AGBL4: variants seen among roughly 807,000 people sequenced by gnomAD.
The protein encoded by AGBL4 is AGBL carboxypeptidase 4, also known as cytosolic carboxypeptidase 6.
In AGBL4, 58 loss-of-function variants were observed where a neutral mutation model predicts 66.4. The observed-to-expected ratio is 0.87, with a 90% CI of 0.71 to 1.09. The LOEUF (loss-of-function observed/expected upper bound fraction) is 1.09. Among genes scored for constraint, AGBL4 ranks in the 50% least tolerant of loss-of-function variants. The pLI is 0.00. For synonymous variants in AGBL4, 234 were observed against 222.9 expected, an observed-to-expected ratio of 1.05 and a Z score of -0.44; for missense variants, 579 against 631.0, an observed-to-expected ratio of 0.92 and a Z score of 0.88.
At chr1:49,253,785 G>T (rs927678662) in intron 3 of AGBL4, among the ~76,000 whole-genome samples, 33 of 151,448 alleles carry the variant, frequency 2.2e-4, no homozygotes, top group African/African-American at 7.8e-4. Flanking sequence ...CTGGCAGAGA[G>T]AATCCAGGAG....
chr1:49,753,401 C>T (rs1436753439), intron 2 of AGBL4, among the ~76,000 whole-genome samples: 2 of 152,190 alleles, frequency 1.3e-5, no homozygotes, highest in African/African-American at 4.8e-5. Context: ...TTGGACCCCA[C>T]TCTTTTCTGA....
chr1:48,582,708 G>A (rs964756825), intron 11 of AGBL4, among the ~76,000 whole-genome samples: 4 of 152,198 alleles, frequency 2.6e-5, no homozygotes, highest in African/African-American at 4.8e-5. Context: ...ACCATGCAAA[G>A]TGAGTACTAT....
At chr1:49,323,126 A>G (rs1334870235) in intron 3 of AGBL4, among the ~76,000 whole-genome samples, 1 of 152,128 alleles carries the variant, frequency 6.6e-6, no homozygotes, top group Non-Finnish European at 1.5e-5. Flanking sequence ...TTGTAAACAC[A>G]CTCATTGTAA....
At chr1:49,018,484 GGGA>G (rs1374317113) in intron 5 of AGBL4, among the ~76,000 whole-genome samples, 2 of 152,268 alleles carry the variant, frequency 1.3e-5, no homozygotes, top group South Asian at 2.1e-4. Context: ...ATAAACAGAA[GGGA>G]GGAGAAGCAC....
intron 4 of AGBL4, among the ~76,000 whole-genome samples, chr1:49,098,137 A>T (rs946081337): frequency 4.6e-5 from 7 of 152,238 alleles, no homozygotes; most frequent in African/African-American, 1.7e-4. Context: ...GGTATAACAA[A>T]TCACTTCACT....
intron 5 of AGBL4, among the ~76,000 whole-genome samples, chr1:48,876,033 C>A (rs978470944): frequency 1.8e-4 from 28 of 152,132 alleles, no homozygotes; most frequent in Non-Finnish European, 3.5e-4. Flanking sequence ...CCTGGAGCAG[C>A]CTCTGCACAA....
At chr1:49,202,623 T>C (rs868286112) in intron 4 of AGBL4, among the ~76,000 whole-genome samples, 1 of 152,054 alleles carries the variant, frequency 6.6e-6, no homozygotes, top group Admixed American at 6.6e-5. Flanking sequence ...CAAAATGGGA[T>C]AAAGACCTAA....
At chr1:48,572,549 AGT>A (rs1644583630) in intron 11 of AGBL4, among the ~76,000 whole-genome samples, 1 of 151,062 alleles carries the variant, frequency 6.6e-6, no homozygotes, top group African/African-American at 2.4e-5. Context: ...AGTGTGTGTG[AGT>A]GTGTGTGTGG....
chr1:49,288,692 C>G (rs571048980), intron 3 of AGBL4, among the ~76,000 whole-genome samples: 2 of 152,258 alleles, frequency 1.3e-5, no homozygotes, highest in East Asian at 1.9e-4. Context: ...GTTTGGAGTT[C>G]AAGGCCTACC....
intron 10 of AGBL4, 56 bp from the exon 11 acceptor site, chr1:48,587,222 G>A (rs1352535377): frequency 6.7e-5 from 100 of 1,503,504 alleles, no homozygotes; most frequent in Non-Finnish European, 8.7e-5. Flanking sequence ...AAATTGGATT[G>A]TGGGCAAATT....
downstream of AGBL4, among the ~76,000 whole-genome samples, chr1:48,530,178 A>AC (rs1643897967): frequency 6.6e-6 from 1 of 152,112 alleles, no homozygotes; most frequent in Admixed American, 6.6e-5. Flanking sequence ...CCAGGTTCTC[A>AC]CTAGCCACAT....
intron 6 of AGBL4, among the ~76,000 whole-genome samples, chr1:48,840,738 A>C (rs1217224570): frequency 1.3e-5 from 2 of 152,214 alleles, no homozygotes; most frequent in Non-Finnish European, 2.9e-5. Context: ...ATGACCCAGC[A>C]ATCTCACTGC....
intron 3 of AGBL4, among the ~76,000 whole-genome samples, chr1:49,500,562 G>A (rs1406337532): frequency 1.3e-5 from 2 of 152,000 alleles, no homozygotes; most frequent in Non-Finnish European, 1.5e-5. Flanking sequence ...TGTATAAGGT[G>A]AGAGACGAGG....
At chr1:49,451,556 T>C (rs1187078740) in intron 3 of AGBL4, among the ~76,000 whole-genome samples, 10 of 152,002 alleles carry the variant, frequency 6.6e-5, no homozygotes, top group Non-Finnish European at 1.5e-5. Flanking sequence ...AGGGCAGTCA[T>C]ACATTCAAAA....
At chr1:48,619,018 AAG>A (rs1200764384) in intron 9 of AGBL4, among the ~76,000 whole-genome samples, 1 of 151,868 alleles carries the variant, frequency 6.6e-6, no homozygotes, top group African/African-American at 2.4e-5. Context: ...AAGCTAAAAC[AAG>A]AGACTCTGAG....
intron 4 of AGBL4, among the ~76,000 whole-genome samples, chr1:49,220,565 CT>C (rs1649418714): frequency 2.0e-5 from 3 of 151,932 alleles, no homozygotes; most frequent in Admixed American, 1.3e-4. Context: ...TTTTTCTTCC[CT>C]TTTTCCACCT....
At chr1:49,463,338 G>T (rs1189714247) in intron 3 of AGBL4, among the ~76,000 whole-genome samples, 2 of 151,564 alleles carry the variant, frequency 1.3e-5, no homozygotes, top group African/African-American at 4.8e-5. Context: ...AGTTATCCAG[G>T]AATAATTATC....
chr1:49,152,582 A>G (rs1238398322), intron 4 of AGBL4, among the ~76,000 whole-genome samples: 2 of 152,214 alleles, frequency 1.3e-5, no homozygotes, highest in Non-Finnish European at 2.9e-5. Context: ...TTCTTCCCAT[A>G]CATTTCTGGG....
At position 49,846,406 on chromosome 1, in the gene AGBL4, C is replaced by T. The variant is rs533677597; in HGVS notation, c.157+4990G>A. On this transcript the variant is annotated intron_variant, in intron 2 of 13. Coordinates refer to ENST00000371839, the MANE Select transcript of AGBL4 (RefSeq NM_032785.4). The stretch of plus-strand genomic sequence containing the variant: ...AGAGAACTCACACTGGATAAACCCA[C>T]TCCACATGTGCTGGGGACATAGGAA... 1.2e-5 allele frequency: 18 copies of T among 1,533,792 alleles called. No homozygotes were observed. The East Asian group carries it at 3.6e-4, about 31-fold the overall frequency.
Sources: gnomAD v4.1 joint callset for allele counts (sites outside exome capture counted in the v4.1 genomes callset) on GRCh38, gnomAD v4.1.1 for gene constraint, MANE v1.5 for transcripts, NCBI Gene and HGNC (gene_info 2026-07-23, HGNC 2026-07-21) for gene names.